The following PLB1 variants were observed in gnomAD, a reference collection of about 807,000 sequenced individuals.
PLB1 encodes the protein phospholipase B1, membrane-associated.
In PLB1, 242 loss-of-function variants were observed where a neutral mutation model predicts 227.4. The ratio of observed to expected loss-of-function variants is 1.06; its 90% CI spans 0.96 to 1.18. PLB1 has a LOEUF of 1.18. PLB1 is among the 50% of genes most tolerant of loss of function. The probability of loss-of-function intolerance (pLI) is 0.00; values close to 1 mark genes in which losing one functional copy is unlikely to be tolerated. For missense variants in PLB1, 1,858 were observed against 1,816.3 expected (o/e 1.02, Z -0.42); for synonymous variants, 757 against 682.2 (o/e 1.11, Z -1.71).
At chr2:28,548,679 C>T (rs1673690576) in intron 14 of PLB1, 181 bp from the exon 15 acceptor site, 1 of 658,956 alleles carries the variant, frequency 1.5e-6, no homozygotes, top group Admixed American at 2.3e-5. Flanking sequence ...GCTTACAACA[C>T]AGACTGCTGC....
intron 23 of PLB1, 111 bp downstream of exon 23, chr2:28,579,818 G>A: frequency 3.3e-6 from 3 of 899,570 alleles, no homozygotes; most frequent in Non-Finnish European, 5.5e-6. Flanking sequence ...CAGGCTCATG[G>A]TTTGTCTTGG....
intron 14 of PLB1, 103 bp from the exon 15 acceptor site, chr2:28,548,757 T>G (rs11680168): frequency 0.92 from 996,722 of 1,085,744 alleles, 459,100 homozygotes; most frequent in East Asian, 0.99. Flanking sequence ...TCTAATGCGT[T>G]CCCTGGTACT....
intron 9 of PLB1, 99 bp from the exon 10 acceptor site, chr2:28,538,220 G>A: frequency 7.0e-7 from 1 of 1,429,840 alleles, no homozygotes; most frequent in Non-Finnish European, 9.8e-7. Context: ...CTTTGCCTGT[G>A]GTCTTGCCTG....
chr2:28,580,688 T>C (rs1679774111), intron 23 of PLB1, among the ~76,000 whole-genome samples: 1 of 150,352 alleles, frequency 6.7e-6, no homozygotes, highest in Admixed American at 6.6e-5. Context: ...CACTCCAGCC[T>C]GGGTGACAAA....
At chr2:28,557,994 A>C (rs1432173090) in intron 17 of PLB1, among the ~76,000 whole-genome samples, 1 of 152,186 alleles carries the variant, frequency 6.6e-6, no homozygotes. Flanking sequence ...TCTCTTGCTG[A>C]GATTCCTTCA....
At position 28,563,049 on chromosome 2, in the gene PLB1, C is replaced by T; in HGVS notation, c.1156C>T (p.Leu386=). Residue 386 remains leucine (L), a synonymous_variant, in exon 18 of 58, where the codon CTG becomes TTG. Coordinates refer to ENST00000327757, the MANE Select transcript of PLB1 (RefSeq NM_153021.5). ...SDTVPTSVHR[L]KPADINVIGA... ...CCTGCTTATATTCTTAGTTCATAGG[C>T]TGAAGCCGGCTGACATCAACGTAAT... 1 of 1,613,742 alleles carries T rather than the reference C, an allele frequency of 6.2e-7. No individual in the cohort carries two copies. Among genetic ancestry groups the T allele is most frequent in the Non-Finnish European group, 8.5e-7 (1 of 1,179,656 alleles).
rs1688248481 is a variant in PLB1, at chr2:28,629,165, A to C, written c.3798A>C (p.Lys1266Asn). Residue 1266 changes from lysine (K) to asparagine (N), a missense_variant, in exon 53 of 58, where the codon AAA (lysine) becomes AAC (asparagine). Coordinates refer to ENST00000327757, the MANE Select transcript of PLB1 (RefSeq NM_153021.5). The part of the protein sequence containing the change: ...LASLYQGQGG[K>N]CAMLAAQNNC... ...GCCTGTACCAGGGCCAAGGCGGGAA[A>C]TGTGCCATGCTGGCAGCTCAGTAAG... is the stretch of plus-strand genomic sequence containing the variant. 12 of 1,613,742 alleles carry C rather than the reference A, an allele frequency of 7.4e-6. No homozygotes were observed. Among genetic ancestry groups the C allele is most frequent in the Non-Finnish European group, 9.3e-6 (11 of 1,179,892 alleles).
intron 26 of PLB1, among the ~76,000 whole-genome samples, chr2:28,586,453 C>G (rs539349602): frequency 1.3e-5 from 2 of 152,194 alleles, no homozygotes; most frequent in African/African-American, 4.8e-5. Context: ...CCTTAACAAT[C>G]GAGTTTCTCC....
intron 1 of PLB1, among the ~76,000 whole-genome samples, chr2:28,499,428 C>T (rs893884060): frequency 2.6e-5 from 4 of 152,092 alleles, no homozygotes; most frequent in Non-Finnish European, 4.4e-5. Context: ...CACACATAAT[C>T]CTGCCAATAA....
chr2:28,543,328 T>G, intron 14 of PLB1, 60 bp downstream of exon 14: 1 of 1,555,590 alleles, frequency 6.4e-7, no homozygotes. Flanking sequence ...CCACCACCAC[T>G]GAGCCCACCG....
intron 1 of PLB1, among the ~76,000 whole-genome samples, chr2:28,512,337 C>G (rs1351812761): frequency 2.0e-5 from 3 of 152,106 alleles, no homozygotes; most frequent in Non-Finnish European, 4.4e-5. Flanking sequence ...TTTTATATCA[C>G]TTCTATTTGT....
chr2:28,498,597 C>T (rs534388292), intron 1 of PLB1, among the ~76,000 whole-genome samples: 23 of 152,318 alleles, frequency 1.5e-4, no homozygotes, highest in Admixed American at 7.2e-4. Context: ...AGTTGTCTCA[C>T]TACCATTTAT....
chr2:28,617,871 A>G (rs1350893981), intron 45 of PLB1, 84 bp downstream of exon 45: 16 of 1,349,678 alleles, frequency 1.2e-5, no homozygotes, highest in Non-Finnish European at 1.7e-5. Flanking sequence ...CATACCCTGG[A>G]GCTTTAAGCA....
rs1264273177 is a variant in PLB1, at chr2:28,632,877, A to C, written c.4003-67A>C. On this transcript the variant is annotated intron_variant, in intron 55 of 57. Transcript: ENST00000327757. ...AGACATGCCCAGGGCACCTGCTGGG[A>C]GAGTGAGTGGGGCTCAGGTAGCAGA... is the stretch of plus-strand genomic sequence containing the variant. The C allele has an allele frequency of 3.4e-6, 4 of 1,182,548 alleles. No homozygotes were observed. In the East Asian group the frequency reaches 9.4e-5, roughly 28 times the overall value. The allele number at this position is 1,182,548 out of a possible 1,614,324, so 73.3% of individuals were successfully genotyped here.
chr2:28,547,548 T>C (rs1673484058), intron 14 of PLB1, among the ~76,000 whole-genome samples: 1 of 152,088 alleles, frequency 6.6e-6, no homozygotes, highest in Non-Finnish European at 1.5e-5. Context: ...GATGCTGGGG[T>C]AAGATACCGC....
intron 14 of PLB1, among the ~76,000 whole-genome samples, chr2:28,547,200 T>G (rs1357505254): frequency 4.2e-5 from 1 of 23,980 alleles, no homozygotes; most frequent in Admixed American, 4.3e-4. Flanking sequence ...AGACCCTGTC[T>G]CCAAAAAAAA....
Position 28,632,027 on chromosome 2 carries a change from T to G in PLB1, c.3898-9T>G. 6.2e-7 allele frequency: 1 copy of G among 1,610,430 alleles called. No homozygotes were observed. The highest frequency in any genetic ancestry group is 8.5e-7 in the Non-Finnish European group (1 of 1,176,748). On this transcript the variant is annotated splice_polypyrimidine_tract_variant and intron_variant, in intron 54 of 57. Coordinates refer to ENST00000327757, the MANE Select transcript of PLB1 (RefSeq NM_153021.5). ...AGGAGGGTTGAGCAGCTTCTCTCTCTGTCCCCAGCATGGCATCTCCAGTTT... is the reference window on the plus strand; with the variant it reads ...AGGAGGGTTGAGCAGCTTCTCTCTCGGTCCCCAGCATGGCATCTCCAGTTT...
chr2:28,619,057 C>T (rs72850476), intron 46 of PLB1, among the ~76,000 whole-genome samples: 2 of 152,126 alleles, frequency 1.3e-5, no homozygotes, highest in Non-Finnish European at 2.9e-5. Context: ...TATTTTTTAA[C>T]TTCTAAGTTC....
At chr2:28,642,774 A>C in intron 57 of PLB1, 84 bp from the exon 58 acceptor site, 1 of 1,202,992 alleles carries the variant, frequency 8.3e-7, no homozygotes, top group Non-Finnish European at 1.2e-6. Context: ...GCAGCATCTC[A>C]GGAATGGGGA....
Sources: allele counts gnomAD v4.1 joint callset (sites outside exome capture counted in the v4.1 genomes callset), GRCh38; gene constraint gnomAD v4.1.1; transcripts MANE v1.5; gene names NCBI Gene and HGNC (gene_info 2026-07-23, HGNC 2026-07-21).